BICD1: variants seen among roughly 807,000 people sequenced by gnomAD.
BICD1 encodes BICD cargo adaptor 1.
A neutral mutation model predicts 92.5 loss-of-function variants in BICD1; 35 were observed. The ratio of observed to expected loss-of-function variants is 0.38; its 90% CI spans 0.29 to 0.50. The LOEUF (loss-of-function observed/expected upper bound fraction) is 0.50. BICD1 is among the 20% of genes least tolerant of loss of function. The pLI is 0.93. For synonymous variants in BICD1, 429 were observed against 465.1 expected, an observed-to-expected ratio of 0.92 and a Z score of 1.00; for missense variants, 950 against 1,189.8, an observed-to-expected ratio of 0.80 and a Z score of 2.97.
intron 2 of BICD1, among the ~76,000 whole-genome samples, chr12:32,244,463 A>C (rs74743969): frequency 2.0e-5 from 3 of 152,138 alleles, no homozygotes; most frequent in African/African-American, 7.2e-5. Flanking sequence ...AACACACAGC[A>C]CTTGAGGCAG....
At chr12:32,147,961 A>C (rs895129813) in intron 1 of BICD1, among the ~76,000 whole-genome samples, 7 of 135,840 alleles carry the variant, frequency 5.2e-5, no homozygotes, top group Non-Finnish European at 1.0e-4. Context: ...CAATATAGGG[A>C]GACCCCCCAT....
chr12:32,110,991 A>T (rs1213932678), intron 1 of BICD1, among the ~76,000 whole-genome samples: 8 of 122,568 alleles, frequency 6.5e-5, no homozygotes, highest in Non-Finnish European at 1.2e-4. Context: ...GTATAATAAT[A>T]AAAAAAAAGA....
At chr12:32,231,518 C>T (rs1281532985) in intron 2 of BICD1, among the ~76,000 whole-genome samples, 2 of 151,862 alleles carry the variant, frequency 1.3e-5, no homozygotes, top group Non-Finnish European at 2.9e-5. Context: ...ATCATTTGGA[C>T]ACAGCTTCAA....
chr12:32,209,282 CAT>C (rs1398267386), intron 1 of BICD1, among the ~76,000 whole-genome samples: 6 of 152,190 alleles, frequency 3.9e-5, no homozygotes, highest in African/African-American at 1.2e-4. Context: ...GATTATAACT[CAT>C]ATGCTTTCTA....
At chr12:32,289,529 G>C (rs953027886) in intron 2 of BICD1, among the ~76,000 whole-genome samples, 3 of 152,194 alleles carry the variant, frequency 2.0e-5, no homozygotes, top group Non-Finnish European at 4.4e-5. Context: ...AGGACTACAG[G>C]CGCGTGCCAC....
intron 4 of BICD1, among the ~76,000 whole-genome samples, chr12:32,324,099 G>C (rs1486062045): frequency 6.6e-6 from 1 of 151,694 alleles, no homozygotes; most frequent in African/African-American, 2.4e-5. Flanking sequence ...GGGAGGCCGA[G>C]GTGGGCAGAT....
At chr12:32,278,864 A>AAAATAAATAAAT (rs59177126) in intron 2 of BICD1, among the ~76,000 whole-genome samples, 36 of 150,444 alleles carry the variant, frequency 2.4e-4, no homozygotes, top group East Asian at 5.9e-4. Flanking sequence ...TCAAAGAAAT[A>AAAATAAATAAAT]AAATAAATAA....
At chr12:32,186,186 T>A (rs1439861464) in intron 1 of BICD1, among the ~76,000 whole-genome samples, 1 of 152,208 alleles carries the variant, frequency 6.6e-6, no homozygotes, top group East Asian at 1.9e-4. Flanking sequence ...TGTTACCCTA[T>A]CCTGACCTTG....
chr12:32,172,186 A>C (rs1943966542), intron 1 of BICD1, among the ~76,000 whole-genome samples: 1 of 152,162 alleles, frequency 6.6e-6, no homozygotes, highest in Admixed American at 6.6e-5. Flanking sequence ...AGAAGAGGGA[A>C]TCAGTGCTAG....
chr12:32,336,049 C>G (rs937969364), intron 6 of BICD1, among the ~76,000 whole-genome samples: 42 of 152,066 alleles, frequency 2.8e-4, no homozygotes, highest in Non-Finnish European at 2.8e-4. Flanking sequence ...ATAGGAGTCC[C>G]CCAGAAACTG....
chr12:32,332,343 C>A, intron 5 of BICD1: 1 of 654,568 alleles, frequency 1.5e-6, no homozygotes, highest in Non-Finnish European at 1.9e-6. Flanking sequence ...ACCTATGTAA[C>A]AAACCTGCAC....
At chr12:32,203,419 T>G (rs1169227370) in intron 1 of BICD1, among the ~76,000 whole-genome samples, 1 of 152,180 alleles carries the variant, frequency 6.6e-6, no homozygotes, top group Non-Finnish European at 1.5e-5. Context: ...GGAGAAAATA[T>G]GTGCCATACA....
At chr12:32,188,122 G>A (rs1256850387) in intron 1 of BICD1, among the ~76,000 whole-genome samples, 1 of 152,058 alleles carries the variant, frequency 6.6e-6, no homozygotes, top group African/African-American at 2.4e-5. Context: ...TATTTTTGTA[G>A]AGACGGGGTT....
At chr12:32,287,687 CCACCA>C (rs1947609684) in intron 2 of BICD1, among the ~76,000 whole-genome samples, 1 of 152,134 alleles carries the variant, frequency 6.6e-6, no homozygotes, top group Non-Finnish European at 1.5e-5. Context: ...CAGGTGCCCG[CCACCA>C]CACCTGGTTA....
chr12:32,296,937 A>T lies in BICD1; in HGVS notation c.579+2791A>T, dbSNP rs1205903062. 2.0e-5 allele frequency among the ~76,000 whole-genome samples: 3 copies of T among 152,236 alleles called. No homozygotes were observed. The East Asian group carries it at 5.8e-4, about 29-fold the overall frequency. On this transcript the variant is annotated intron_variant, in intron 3 of 9. Transcript: ENST00000652176. Reference sequence around the variant, plus strand: ...AAACATGGAATCCAATGGTTAACTCAGAAGTTTTTTAAAAAGGAGGGGGGA... The same window carrying T: ...AAACATGGAATCCAATGGTTAACTCTGAAGTTTTTTAAAAAGGAGGGGGGA...
At chr12:32,283,039 C>T (rs1947461743) in intron 2 of BICD1, among the ~76,000 whole-genome samples, 1 of 152,094 alleles carries the variant, frequency 6.6e-6, no homozygotes, top group Non-Finnish European at 1.5e-5. Context: ...ATGGAAGCAA[C>T]TAATGAAAAT....
rs759328721 is a variant in BICD1, at chr12:32,182,278, C to CTTT, written c.214-33949_214-33947dup. 3.8e-3 allele frequency among the ~76,000 whole-genome samples: 307 copies of CTTT among 81,370 alleles called. 2 individuals are homozygous for CTTT. The highest frequency in any genetic ancestry group is 0.012 in the Middle Eastern group (1 of 82). The allele number at this position is 81,370 out of a possible 152,430, so 53.4% of individuals were successfully genotyped here. A position where few individuals can be genotyped will look rare whatever the true frequency, so the allele number is the denominator to read the frequency against. ...TTCTTTTTTCTTTCTTTCTTTCTTT[C>CTTT]TTTTTTTTTTTTTTTTTTTTTTGAG... is the stretch of plus-strand genomic sequence containing the variant. On this transcript the variant is annotated intron_variant, in intron 1 of 9. Coordinates refer to ENST00000652176, the MANE Select transcript of BICD1 (RefSeq NM_001714.4).
At chr12:32,270,404 C>A (rs936154150) in intron 2 of BICD1, among the ~76,000 whole-genome samples, 50 of 152,094 alleles carry the variant, frequency 3.3e-4, no homozygotes, top group African/African-American at 1.1e-3. Context: ...ATAAAAGTTT[C>A]GTTGTTGTAG....
chr12:32,164,786 C>T (rs901449634), intron 1 of BICD1, among the ~76,000 whole-genome samples: 1 of 152,174 alleles, frequency 6.6e-6, no homozygotes, highest in African/African-American at 2.4e-5. Flanking sequence ...AATCCACTAA[C>T]ACTCTAGGAA....
Sources: allele counts gnomAD v4.1 joint callset (sites outside exome capture counted in the v4.1 genomes callset), GRCh38; gene constraint gnomAD v4.1.1; transcripts MANE v1.5; gene names NCBI Gene and HGNC (gene_info 2026-07-23, HGNC 2026-07-21).